C12orf54: variants seen among roughly 807,000 people sequenced by gnomAD.
C12orf54 encodes uncharacterized protein C12orf54.
C12orf54 carries 24 observed loss-of-function variants against 26.4 expected under a neutral mutation model. That is an observed-to-expected ratio of 0.91 (90% CI 0.66 to 1.28). The LOEUF is 1.28. Among genes scored for constraint, C12orf54 ranks in the 50% most tolerant of loss-of-function variants. C12orf54 has a pLI of 0.00. For synonymous variants in C12orf54, 54 were observed against 47.0 expected (o/e 1.15, Z -0.61); for missense variants, 154 against 150.9 (o/e 1.02, Z -0.11).
intron 2 of C12orf54, among the ~76,000 whole-genome samples, chr12:48,483,969 G>A (rs555485947): frequency 1.4e-4 from 21 of 152,258 alleles, no homozygotes; most frequent in African/African-American, 4.3e-4. Flanking sequence ...CAAGGCGGGC[G>A]GATCACCTGA....
chr12:48,420,266 C>G, the C12orf54 span, among the ~76,000 whole-genome samples: 2 of 152,182 alleles, frequency 1.3e-5, no homozygotes, highest in Non-Finnish European at 2.9e-5. Context: ...GGGGTTCAGC[C>G]AGAAGCAAAT....
At chr12:48,472,846 C>CA in the C12orf54 span, 3 of 1,613,940 alleles carry the variant, frequency 1.9e-6, no homozygotes, top group South Asian at 3.3e-5. Context: ...GCAAACTTGC[C>CA]AAAGTTAAAC....
the C12orf54 span, among the ~76,000 whole-genome samples, chr12:48,435,258 A>G: frequency 5.3e-5 from 8 of 152,226 alleles, no homozygotes; most frequent in Non-Finnish European, 1.0e-4. Context: ...ATATGGGACT[A>G]TGTGAAAAGA....
the C12orf54 span, among the ~76,000 whole-genome samples, chr12:48,449,906 T>C: frequency 1.0e-3 from 153 of 152,160 alleles, no homozygotes; most frequent in Non-Finnish European, 1.8e-3. Context: ...GGTAATTGAG[T>C]CATGGGGGCC....
At chr12:48,459,300 G>T in the C12orf54 span, among the ~76,000 whole-genome samples, 65 of 152,198 alleles carry the variant, frequency 4.3e-4, 1 homozygote, top group Admixed American at 4.3e-3. Flanking sequence ...CACACGGTGA[G>T]ACGGAACTTC....
chr12:48,485,214 A>G (rs1443410591), intron 2 of C12orf54, among the ~76,000 whole-genome samples: 1 of 152,044 alleles, frequency 6.6e-6, no homozygotes, highest in Non-Finnish European at 1.5e-5. Flanking sequence ...GTAAGCTAGG[A>G]CTACAAGTGC....
At chr12:48,453,278 G>A in the C12orf54 span, among the ~76,000 whole-genome samples, 216 of 152,070 alleles carry the variant, frequency 1.4e-3, no homozygotes, top group African/African-American at 4.7e-3. Flanking sequence ...ATAAGTGGGA[G>A]CTGAATGATG....
chr12:48,424,282 A>C, the C12orf54 span, among the ~76,000 whole-genome samples: 53 of 152,220 alleles, frequency 3.5e-4, no homozygotes, highest in Non-Finnish European at 6.8e-4. Flanking sequence ...ATGTATATTC[A>C]TGAGGATATT....
Position 48,487,958 on chromosome 12 carries a change from A to T in C12orf54, c.136-966A>T, listed in dbSNP as rs568801226. On this transcript the variant is annotated intron_variant, in intron 4 of 8. Transcript: ENST00000548364. ...TATAGCCGCTGAGATGTTGATACCT[A>T]AGAAGAACTGGGTTGCCATTTATGA... 1.5e-5 allele frequency: 11 copies of T among 719,826 alleles called. 1 individual carries two copies. The South Asian group carries it at 1.5e-4, about 10-fold the overall frequency. 44.6% of individuals were successfully genotyped at this position (719,826 alleles called of 1,614,324 possible).
At chr12:48,453,464 C>A in the C12orf54 span, among the ~76,000 whole-genome samples, 1 of 149,898 alleles carries the variant, frequency 6.7e-6, no homozygotes, top group South Asian at 2.1e-4. Flanking sequence ...TGCAACAAAC[C>A]TGCACATCCT....
intron 5 of C12orf54, 43 bp from the exon 6 acceptor site, chr12:48,490,769 A>G: frequency 6.2e-7 from 1 of 1,611,494 alleles, no homozygotes; most frequent in Non-Finnish European, 8.5e-7. Flanking sequence ...TCTGCAGGAG[A>G]CCAGCCCCCA....
At chr12:48,447,230 G>A in the C12orf54 span, among the ~76,000 whole-genome samples, 2 of 151,920 alleles carry the variant, frequency 1.3e-5, no homozygotes, top group African/African-American at 4.8e-5. Flanking sequence ...GTGTGTGTGT[G>A]TGTGTGTGTG....
chr12:48,455,855 C>A, the C12orf54 span, among the ~76,000 whole-genome samples: 1 of 152,148 alleles, frequency 6.6e-6, no homozygotes, highest in East Asian at 1.9e-4. Context: ...TCTTCGCCTT[C>A]TATTACTCAG....
the C12orf54 span, among the ~76,000 whole-genome samples, chr12:48,462,882 T>C: frequency 6.6e-6 from 1 of 151,826 alleles, no homozygotes; most frequent in African/African-American, 2.4e-5. Flanking sequence ...CATTGTACTA[T>C]AGATTCTAAC....
chr12:48,464,716 A>G, the C12orf54 span, among the ~76,000 whole-genome samples: 1 of 152,172 alleles, frequency 6.6e-6, no homozygotes, highest in Non-Finnish European at 1.5e-5. Flanking sequence ...TGGTACAAAA[A>G]CAGACACATA....
the C12orf54 span, among the ~76,000 whole-genome samples, chr12:48,468,638 T>A: frequency 6.6e-6 from 1 of 151,974 alleles, no homozygotes; most frequent in Non-Finnish European, 1.5e-5. Context: ...GACAAAGCAG[T>A]CACTTTTTTT....
the C12orf54 span, among the ~76,000 whole-genome samples, chr12:48,420,769 C>T: frequency 1.3e-5 from 2 of 152,170 alleles, no homozygotes; most frequent in Non-Finnish European, 2.9e-5. Context: ...TGTTGAAAAA[C>T]TCCCCTGCCT....
upstream of C12orf54, among the ~76,000 whole-genome samples, chr12:48,482,340 A>C (rs1670358470): frequency 6.6e-6 from 1 of 152,236 alleles, no homozygotes. Context: ...AATTAAAATT[A>C]AAATCCCACA....
the C12orf54 span, among the ~76,000 whole-genome samples, chr12:48,461,704 T>A: frequency 1.3e-5 from 2 of 151,696 alleles, no homozygotes; most frequent in Non-Finnish European, 3.0e-5. Flanking sequence ...GAAACAATAT[T>A]TTGAAACTTG....
Sources: gnomAD v4.1 joint callset for allele counts (sites outside exome capture counted in the v4.1 genomes callset) on GRCh38, gnomAD v4.1.1 for gene constraint, MANE v1.5 for transcripts, NCBI Gene and HGNC (gene_info 2026-07-23, HGNC 2026-07-21) for gene names.